ZMAT4: variants seen among roughly 807,000 people sequenced by gnomAD.
ZMAT4 encodes zinc finger matrin-type protein 4.
Under a neutral mutation model 28.7 loss-of-function variants are expected in ZMAT4, and 17 were observed. The observed-to-expected ratio is 0.59, with a 90% CI of 0.41 to 0.89. The LOEUF (loss-of-function observed/expected upper bound fraction) is 0.89. Ranked by LOEUF, ZMAT4 falls within the 40% of genes least tolerant of loss-of-function variation. The pLI is 0.00. For synonymous variants in ZMAT4, 117 were observed against 109.2 expected (o/e 1.07, Z -0.44); for missense variants, 240 against 283.8 (o/e 0.85, Z 1.11).
chr8:40,730,714 A>C (rs1327847240), intron 3 of ZMAT4, among the ~76,000 whole-genome samples: 1 of 152,182 alleles, frequency 6.6e-6, no homozygotes, highest in African/African-American at 2.4e-5. Flanking sequence ...AAAGAAGGGC[A>C]AACAAATCTG....
At chr8:40,862,790 G>A (rs1817550238) in intron 1 of ZMAT4, among the ~76,000 whole-genome samples, 1 of 151,596 alleles carries the variant, frequency 6.6e-6, no homozygotes, top group Non-Finnish European at 1.5e-5. Flanking sequence ...TTGGACACAG[G>A]AAGGGGAACA....
At chr8:40,722,414 A>G (rs1042527422) in intron 3 of ZMAT4, among the ~76,000 whole-genome samples, 1 of 152,184 alleles carries the variant, frequency 6.6e-6, no homozygotes, top group Non-Finnish European at 1.5e-5. Flanking sequence ...TAGGGAGGGA[A>G]TTTGTATTTA....
intron 5 of ZMAT4, among the ~76,000 whole-genome samples, chr8:40,628,757 TAGA>T (rs1806464946): frequency 1.3e-5 from 2 of 152,148 alleles, no homozygotes; most frequent in African/African-American, 2.4e-5. Context: ...TGGCATAAAG[TAGA>T]AGGATTTTTA....
At chr8:40,746,242 TCCC>T (rs1812212132) in intron 3 of ZMAT4, among the ~76,000 whole-genome samples, 1 of 54,426 alleles carries the variant, frequency 1.8e-5, no homozygotes, top group Admixed American at 1.9e-4. Context: ...CCTCCCTCCC[TCCC>T]TCCCTCCCTC....
At chr8:40,558,120 C>A (rs145022786) in intron 6 of ZMAT4, among the ~76,000 whole-genome samples, 1 of 152,026 alleles carries the variant, frequency 6.6e-6, no homozygotes, top group African/African-American at 2.4e-5. Context: ...GAAAGAAGGC[C>A]GGCCAGGCTG....
chr8:40,621,104 G>T (rs1319206027), intron 5 of ZMAT4, among the ~76,000 whole-genome samples: 1 of 152,194 alleles, frequency 6.6e-6, no homozygotes, highest in Non-Finnish European at 1.5e-5. Flanking sequence ...TGAGTACCAT[G>T]AAGAACATGG....
At chr8:40,714,000 A>G (rs1810743274) in intron 3 of ZMAT4, among the ~76,000 whole-genome samples, 2 of 151,954 alleles carry the variant, frequency 1.3e-5, no homozygotes, top group Non-Finnish European at 2.9e-5. Flanking sequence ...TAAAAAATAT[A>G]AAAAAGATCA....
At chr8:40,814,921 C>A (rs1325434009) in intron 2 of ZMAT4, among the ~76,000 whole-genome samples, 1 of 152,132 alleles carries the variant, frequency 6.6e-6, no homozygotes, top group Non-Finnish European at 1.5e-5. Flanking sequence ...AGAACAAATA[C>A]CAAAATATAT....
chr8:40,689,697 T>C (rs1186301225), intron 4 of ZMAT4, among the ~76,000 whole-genome samples: 3 of 151,948 alleles, frequency 2.0e-5, no homozygotes, highest in African/African-American at 7.2e-5. Context: ...AATCTTCTGC[T>C]TGTAGTTTTT....
Position 40,825,556 on chromosome 8 carries a change from T to G in ZMAT4, c.102+19A>C, listed in dbSNP as rs1393678331. On this transcript the variant is annotated intron_variant, in intron 2 of 6. Coordinates refer to ENST00000297737, the MANE Select transcript of ZMAT4 (RefSeq NM_024645.3). ...CTCCCTCCTACATTTGCAAACAGAG[T>G]GGGAAACGCTGTCCTTACCTCGTAG... is the stretch of plus-strand genomic sequence containing the variant. 1 of 1,548,656 alleles carries G rather than the reference T, an allele frequency of 6.5e-7. No homozygotes were observed. The highest frequency in any genetic ancestry group is 1.7e-4 in the Middle Eastern group (1 of 5,894).
intron 5 of ZMAT4, among the ~76,000 whole-genome samples, chr8:40,662,779 A>G (rs544813480): frequency 6.6e-6 from 1 of 152,278 alleles, no homozygotes; most frequent in African/African-American, 2.4e-5. Context: ...GGAGTTCCCA[A>G]TAGGAAACGT....
intron 6 of ZMAT4, among the ~76,000 whole-genome samples, chr8:40,565,685 C>T (rs1016930738): frequency 6.6e-6 from 1 of 151,858 alleles, no homozygotes; most frequent in African/African-American, 2.4e-5. Context: ...GTCATTGCCA[C>T]CATCTTTTTC....
At chr8:40,670,120 G>A (rs1184637913) in intron 5 of ZMAT4, among the ~76,000 whole-genome samples, 1 of 152,114 alleles carries the variant, frequency 6.6e-6, no homozygotes, top group Non-Finnish European at 1.5e-5. Context: ...AAGAAAGTTG[G>A]AGAACTTGCA....
At chr8:40,668,110 G>A (rs563341508) in intron 5 of ZMAT4, among the ~76,000 whole-genome samples, 6 of 152,176 alleles carry the variant, frequency 3.9e-5, no homozygotes, top group South Asian at 2.1e-4. Flanking sequence ...GGGAAGGTTC[G>A]ATAATAGGAG....
chr8:40,657,506 T>C (rs188806797), intron 5 of ZMAT4, among the ~76,000 whole-genome samples: 96 of 152,316 alleles, frequency 6.3e-4, no homozygotes, highest in African/African-American at 2.2e-3. Flanking sequence ...GATTTAATTT[T>C]TTGTTTTAAT....
At chr8:40,842,887 T>C (rs1204772759) in intron 1 of ZMAT4, among the ~76,000 whole-genome samples, 1 of 152,236 alleles carries the variant, frequency 6.6e-6, no homozygotes, top group Non-Finnish European at 1.5e-5. Flanking sequence ...GCAATTCTCC[T>C]GCCTCAGCCT....
chr8:40,686,587 CA>C (rs1809419097), intron 4 of ZMAT4, among the ~76,000 whole-genome samples: 1 of 151,988 alleles, frequency 6.6e-6, no homozygotes, highest in Non-Finnish European at 1.5e-5. Flanking sequence ...GTGGTTGTGC[CA>C]CTGCATTCCA....
chr8:40,696,116 A>G (rs1015645383), intron 4 of ZMAT4, among the ~76,000 whole-genome samples: 1 of 152,136 alleles, frequency 6.6e-6, no homozygotes, highest in African/African-American at 2.4e-5. Flanking sequence ...TGTGCCCCCA[A>G]ACATACTGAG....
chr8:40,754,946 T>A (rs905788352), intron 3 of ZMAT4, among the ~76,000 whole-genome samples: 1 of 152,002 alleles, frequency 6.6e-6, no homozygotes, highest in Non-Finnish European at 1.5e-5. Context: ...TCACTTGAGA[T>A]CATGAGCTAT....
Sources: allele counts gnomAD v4.1 joint callset (sites outside exome capture counted in the v4.1 genomes callset), GRCh38; gene constraint gnomAD v4.1.1; transcripts MANE v1.5; gene names NCBI Gene and HGNC (gene_info 2026-07-23, HGNC 2026-07-21).